Variants in WDPCP observed in about 807,000 individuals in gnomAD.
The protein encoded by WDPCP is WD repeat containing planar cell polarity effector, also known as WD repeat-containing and planar cell polarity effector protein fritz homolog.
Under a neutral mutation model 93.1 loss-of-function variants are expected in WDPCP, and 71 were observed. That is an observed-to-expected ratio of 0.76 (90% CI 0.63 to 0.93). WDPCP has a LOEUF of 0.93. Ranked by LOEUF, WDPCP falls within the 40% of genes least tolerant of loss-of-function variation. WDPCP has a pLI of 0.00. For missense variants in WDPCP, 844 were observed against 887.4 expected (o/e 0.95, Z 0.62); for synonymous variants, 315 against 315.0 (o/e 1.00, Z 0.00).
Position 63,800,482 on chromosome 2 carries a change from AT to A in WDPCP, n.308+13139del, listed in dbSNP as rs1414861511. On this transcript the variant is annotated intron_variant and non_coding_transcript_variant, in intron 2 of 4. Coordinates refer to the WDPCP transcript ENST00000467687. ...CATCAAGCATAGTAAGGAGAGTTGT[AT>A]TTTTTTCTAATTAAATAAATAAATG... 2.6e-5 allele frequency among the ~76,000 whole-genome samples: 4 copies of A among 152,294 alleles called. No homozygotes were observed. The East Asian group carries it at 5.8e-4, about 22-fold the overall frequency.
At chr2:63,429,837 A>G (rs1696597636) in intron 9 of WDPCP, among the ~76,000 whole-genome samples, 1 of 152,192 alleles carries the variant, frequency 6.6e-6, no homozygotes, top group Admixed American at 6.5e-5. Flanking sequence ...ATTACTGGGT[A>G]TACACTGAAA....
intron 14 of WDPCP, among the ~76,000 whole-genome samples, chr2:63,177,770 G>C (rs1165015924): frequency 1.3e-5 from 2 of 152,104 alleles, no homozygotes; most frequent in African/African-American, 4.8e-5. Context: ...TAGAAGGGGT[G>C]AAAGCAGGCA....
intron 9 of WDPCP, 126 bp downstream of exon 9, chr2:63,433,619 C>T: frequency 9.5e-7 from 1 of 1,057,074 alleles, no homozygotes. Flanking sequence ...AGATATGATA[C>T]TTTTTGAATA....
chr2:63,459,451 G>C (rs1293169470), intron 6 of WDPCP, among the ~76,000 whole-genome samples: 1 of 151,914 alleles, frequency 6.6e-6, no homozygotes, highest in African/African-American at 2.4e-5. Context: ...ATAGACAAGA[G>C]GTATATGACT....
At chr2:63,185,392 C>G (rs540302380) in intron 14 of WDPCP, among the ~76,000 whole-genome samples, 1 of 151,352 alleles carries the variant, frequency 6.6e-6, no homozygotes, top group Admixed American at 6.6e-5. Flanking sequence ...GACAGGACTT[C>G]CCCCCCTCTC....
intron 9 of WDPCP, among the ~76,000 whole-genome samples, chr2:63,414,015 A>C (rs1695220491): frequency 6.6e-6 from 1 of 152,194 alleles, no homozygotes; most frequent in African/African-American, 2.4e-5. Flanking sequence ...AAGTGGGCTA[A>C]GGACAGGAAT....
chr2:63,395,091 C>CA (rs991437276), intron 10 of WDPCP, among the ~76,000 whole-genome samples: 1 of 151,820 alleles, frequency 6.6e-6, no homozygotes, highest in African/African-American at 2.4e-5. Flanking sequence ...AGTAATGTAA[C>CA]AAAAAAATAC....
intron 13 of WDPCP, among the ~76,000 whole-genome samples, chr2:63,261,321 T>C (rs187494295): frequency 1.5e-4 from 23 of 152,238 alleles, no homozygotes; most frequent in African/African-American, 5.5e-4. Context: ...TCCATTTAAC[T>C]GTGCAATTGA....
intron 2 of WDPCP, among the ~76,000 whole-genome samples, chr2:63,779,289 C>A (rs1401216797): frequency 1.3e-5 from 2 of 152,132 alleles, no homozygotes; most frequent in African/African-American, 4.8e-5. Flanking sequence ...AAACACGTAA[C>A]CTATCGTATA....
In WDPCP at chr2:63,403,724, G is replaced by T. The variant is rs564172701; in HGVS notation, c.1435+324C>A. 2.8e-5 allele frequency: 6 copies of T among 217,290 alleles called. No homozygotes were observed. The East Asian group carries it at 6.7e-4, about 24-fold the overall frequency. The allele number at this position is 217,290 out of a possible 1,614,324, so 13.5% of individuals were successfully genotyped here. On this transcript the variant is annotated intron_variant, in intron 10 of 17. Transcript: ENST00000272321. ...CAGAATTTTTCAATGGACAAAGTAA[G>T]TCCTTCTAAAATATTCACATGTCTA...
At chr2:63,837,172 C>T in the WDPCP span, among the ~76,000 whole-genome samples, 1 of 152,214 alleles carries the variant, frequency 6.6e-6, no homozygotes, top group African/African-American at 2.4e-5. Context: ...AGAATGAAGT[C>T]TTTCTCTTCC....
chr2:63,793,525 T>C (rs1011476213), intron 2 of WDPCP, among the ~76,000 whole-genome samples: 3 of 152,162 alleles, frequency 2.0e-5, no homozygotes, highest in South Asian at 4.1e-4. Context: ...GTGGGAAGAC[T>C]GCTTGAGCCT....
intron 2 of WDPCP, among the ~76,000 whole-genome samples, chr2:63,787,158 G>T (rs59747085): frequency 1.3e-5 from 2 of 152,278 alleles, no homozygotes; most frequent in African/African-American, 4.8e-5. Flanking sequence ...AATGGAGAAA[G>T]AAATTATGGT....
At chr2:63,704,940 G>T (rs1191729172) in intron 2 of WDPCP, among the ~76,000 whole-genome samples, 1 of 152,056 alleles carries the variant, frequency 6.6e-6, no homozygotes, top group African/African-American at 2.4e-5. Flanking sequence ...GACTTTTTTT[G>T]ATTGGTAAGC....
intron 9 of WDPCP, among the ~76,000 whole-genome samples, chr2:63,430,775 G>C (rs1475741722): frequency 2.0e-5 from 3 of 152,142 alleles, no homozygotes; most frequent in African/African-American, 7.2e-5. Flanking sequence ...TCAGCTACTT[G>C]GGAGGCTGGG....
intron 2 of WDPCP, among the ~76,000 whole-genome samples, chr2:63,809,940 A>T (rs1322962815): frequency 7.0e-6 from 1 of 143,376 alleles, no homozygotes. Context: ...AATTAAATTA[A>T]AAAAAAAATT....
chr2:63,400,688 A>C (rs1694083178), intron 10 of WDPCP, among the ~76,000 whole-genome samples: 1 of 152,208 alleles, frequency 6.6e-6, no homozygotes, highest in Non-Finnish European at 1.5e-5. Flanking sequence ...AGCCAAGACA[A>C]TCCTAAGCCA....
chr2:63,704,395 C>T (rs1669114655), intron 2 of WDPCP, among the ~76,000 whole-genome samples: 2 of 152,116 alleles, frequency 1.3e-5, no homozygotes, highest in African/African-American at 4.8e-5. Context: ...AAAGGGAATG[C>T]TTCCAGTTTT....
chr2:63,792,622 C>T (rs1433410768), intron 2 of WDPCP, among the ~76,000 whole-genome samples: 1 of 152,126 alleles, frequency 6.6e-6, no homozygotes, highest in Non-Finnish European at 1.5e-5. Flanking sequence ...ATAAAAGGTG[C>T]TCCTGGCAGA....
Sources: allele counts gnomAD v4.1 joint callset (sites outside exome capture counted in the v4.1 genomes callset), GRCh38; gene constraint gnomAD v4.1.1; transcripts MANE v1.5; gene names NCBI Gene and HGNC (gene_info 2026-07-23, HGNC 2026-07-21).